Variants in PDLIM4 observed in about 807,000 individuals in gnomAD.
PDLIM4 encodes PDZ and LIM domain 4, also known as PDZ and LIM domain protein 4.
Under a neutral mutation model 31.3 loss-of-function variants are expected in PDLIM4, and 19 were observed. That is an observed-to-expected ratio of 0.61 (90% CI 0.42 to 0.89). PDLIM4 has a LOEUF of 0.89. Among genes scored for constraint, PDLIM4 ranks in the 40% least tolerant of loss-of-function variants. The probability of loss-of-function intolerance (pLI) is 0.00; values close to 1 mark genes in which losing one functional copy is unlikely to be tolerated. For missense variants in PDLIM4, 442 were observed against 461.1 expected, an observed-to-expected ratio of 0.96 and a Z score of 0.38; for synonymous variants, 176 against 190.1, an observed-to-expected ratio of 0.93 and a Z score of 0.61.
At chr5:132,266,247 G>T (rs963854385) in intron 2 of PDLIM4, among the ~76,000 whole-genome samples, 4 of 152,192 alleles carry the variant, frequency 2.6e-5, no homozygotes, top group African/African-American at 9.6e-5. Context: ...TTGGGCAGCC[G>T]ATGGGGACAG....
Position 132,272,719 on chromosome 5 carries a change from T to TGGTGGTGG in PDLIM4, c.*495_*502dup, listed in dbSNP as rs1756658979. ...GTCATCGGCACTAGCGGGTTGGGGG[T>TGGTGGTGG]GGTGGTGGGGTGCTGGCAGCCTCAG... On this transcript the variant is annotated 3_prime_UTR_variant, in exon 7 of 7. Transcript: ENST00000253754. The TGGTGGTGG allele has an allele frequency of 5.0e-6, 1 of 200,364 alleles. No individual in the cohort carries two copies. Among genetic ancestry groups the TGGTGGTGG allele is most frequent in the Admixed American group, 5.3e-5 (1 of 18,818 alleles). 12.4% of individuals were successfully genotyped at this position (200,364 alleles called of 1,614,324 possible).
chr5:132,270,577 T>G, intron 3 of PDLIM4: 1 of 354,698 alleles, frequency 2.8e-6, no homozygotes, highest in Non-Finnish European at 5.2e-6. Flanking sequence ...ACCTTAGGCT[T>G]CTTGGGATAG....
intron 3 of PDLIM4, among the ~76,000 whole-genome samples, chr5:132,269,994 C>T (rs1756570556): frequency 6.9e-6 from 1 of 145,984 alleles, no homozygotes; most frequent in Non-Finnish European, 1.5e-5. Flanking sequence ...GTGTGTGTGT[C>T]TTTAAAGCAT....
In PDLIM4 at chr5:132,257,858, G is replaced by A. The variant is rs751507063; in HGVS notation, c.93+31G>A. On this transcript the variant is annotated intron_variant, in intron 1 of 6. Coordinates refer to ENST00000253754, the MANE Select transcript of PDLIM4 (RefSeq NM_003687.4). This position sits in a 1 kb window ranked among gnomAD's most constrained non-coding sequence, Gnocchi z 4.3. ...TCTGGCGGCTGCGTGGCGGCAGGGC[G>A]GTCCCATGTCTGAGACCGGGTTCTC... 28 of 1,312,016 alleles carry A rather than the reference G, an allele frequency of 2.1e-5. 1 individual carries two copies. The South Asian group carries it at 3.9e-4, about 18-fold the overall frequency. 81.3% of individuals were successfully genotyped at this position (1,312,016 alleles called of 1,614,324 possible).
At position 132,271,362 on chromosome 5, in the gene PDLIM4, A is replaced by C. The variant is rs1464260050; in HGVS notation, c.566A>C (p.Glu189Ala). 26 of 1,605,452 alleles carry C rather than the reference A, an allele frequency of 1.6e-5. No individual in the cohort carries two copies. Among genetic ancestry groups the C allele is most frequent in the Admixed American group, 1.3e-4 (8 of 59,946 alleles). Residue 189 changes from glutamate (E) to alanine (A), a missense_variant, in exon 5 of 7, where the codon GAG becomes GCG. Physicochemically the swap from Glu to Ala is moderately radical, Grantham distance 107 (BLOSUM62 -1). Coordinates refer to ENST00000253754, the MANE Select transcript of PDLIM4 (RefSeq NM_003687.4). Reference sequence around the variant, plus strand: ...GACTGCAGAGTCGACCTGGGCTCCGAGGTGTACAGGATGCTGCGGGAGCCA... The same window carrying C: ...GACTGCAGAGTCGACCTGGGCTCCGCGGTGTACAGGATGCTGCGGGAGCCA... Reference protein sequence around the residue: ...SRDCRVDLGSEVYRMLREPAE... With the variant: ...SRDCRVDLGSAVYRMLREPAE...
At chr5:132,269,951 AT>A (rs765847736) in intron 3 of PDLIM4, among the ~76,000 whole-genome samples, 67 of 151,848 alleles carry the variant, frequency 4.4e-4, no homozygotes, top group Non-Finnish European at 6.9e-4. Flanking sequence ...ATGTAGGGAG[AT>A]TGGTAGGTGC....
At position 132,272,287 on chromosome 5, in the gene PDLIM4, T is replaced by A; in HGVS notation, c.*58T>A. The A allele has an allele frequency of 4.4e-6, 6 of 1,360,422 alleles. No homozygotes were observed. Among genetic ancestry groups the A allele is most frequent in the Non-Finnish European group, 6.3e-6 (6 of 959,926 alleles). 84.3% of individuals were successfully genotyped at this position (1,360,422 alleles called of 1,614,324 possible). A position where few individuals can be genotyped will look rare whatever the true frequency, so the allele number is the denominator to read the frequency against. The stretch of plus-strand genomic sequence containing the variant: ...GGTCCCTGCTCGGCCGGTGTAAATA[T>A]GTTTCACCCTGTCCCTCTAATAAAG... On this transcript the variant is annotated 3_prime_UTR_variant, in exon 7 of 7. Transcript: ENST00000253754.
Position 132,262,604 on chromosome 5 carries a change from C to T in PDLIM4, c.94-5C>T, listed in dbSNP as rs1032548152. ...TGCCCAGCCATCTGGCTTGTCTGCT[C>T]GCAGGTCCATGCTGGCAGCAAGGCT... On this transcript the variant is annotated splice_polypyrimidine_tract_variant and splice_region_variant and intron_variant, in intron 1 of 6. Transcript: ENST00000253754. The T allele has an allele frequency of 7.5e-6, 12 of 1,601,236 alleles. No homozygotes were observed. Among genetic ancestry groups the T allele is most frequent in the Admixed American group, 6.8e-5 (4 of 58,666 alleles).
rs116284207 is a variant in PDLIM4, at chr5:132,263,268, G to C, written c.245+508G>C. ...TGGGGTAGCAAAATTTGATTTTGGG[G>C]CTCTCTCCTAAGACTACAGACCCTT... On this transcript the variant is annotated intron_variant, in intron 2 of 6. Transcript: ENST00000253754. Among the ~76,000 whole-genome samples the C allele has an allele frequency of 4.4e-3, 671 of 152,232 alleles. 1 individual carries two copies. The highest frequency in any genetic ancestry group is 7.2e-3 in the Non-Finnish European group (493 of 68,012).
chr5:132,258,073 C>A (rs893160627), intron 1 of PDLIM4, among the ~76,000 whole-genome samples: 8 of 152,218 alleles, frequency 5.3e-5, no homozygotes, highest in Non-Finnish European at 8.8e-5. Context: ...CCCGCCTCCC[C>A]GCTGGCCTCA....
Position 132,257,806 on chromosome 5 carries a change from C to A in PDLIM4, c.72C>A (p.Ser24Arg). 6.7e-7 allele frequency: 1 copy of A among 1,503,550 alleles called. No individual in the cohort carries two copies. Among genetic ancestry groups the A allele is most frequent in the Non-Finnish European group, 8.8e-7 (1 of 1,130,008 alleles). The allele number at this position is 1,503,550 out of a possible 1,614,324, so 93.1% of individuals were successfully genotyped here. Reference sequence around the variant, plus strand: ...GCCTGGTGGGCGGCCGGGACTTCAGCGCGCCCCTCACCATCTCACGGGTGA... The same window carrying A: ...GCCTGGTGGGCGGCCGGGACTTCAGAGCGCCCCTCACCATCTCACGGGTGA... ...GFRLVGGRDFSAPLTISRVHA... is the reference protein window; with the variant it reads ...GFRLVGGRDFRAPLTISRVHA... The change falls in exon 1 of 7, where the codon AGC (serine) becomes AGA (arginine). Residue 24 changes from serine to arginine, a missense_variant. By Grantham distance (110) the Ser-to-Arg change is moderately radical (BLOSUM62 -1). Transcript: ENST00000253754. The surrounding 1 kb of genome is among the most constrained non-coding windows in gnomAD (Gnocchi z 4.3).
chr5:132,272,846 C>G lies in PDLIM4; in HGVS notation c.*617C>G, dbSNP rs1756661320. ...CCAGGTTTTTCTGGCATTTTCTGTT[C>G]CAGGTTTCTTCCACCCACGAGCACT... On this transcript the variant is annotated 3_prime_UTR_variant, in exon 7 of 7. Transcript: ENST00000253754. The G allele has an allele frequency of 1.3e-5, 2 of 154,350 alleles. No homozygotes were observed. The highest frequency in any genetic ancestry group is 2.9e-5 in the Non-Finnish European group (2 of 69,392). 9.6% of individuals were successfully genotyped at this position (154,350 alleles called of 1,614,324 possible). A position where few individuals can be genotyped will look rare whatever the true frequency, so the allele number is the denominator to read the frequency against.
chr5:132,264,911 C>A (rs1756457025), intron 2 of PDLIM4, among the ~76,000 whole-genome samples: 1 of 152,096 alleles, frequency 6.6e-6, no homozygotes, highest in South Asian at 2.1e-4. Flanking sequence ...CTAATCCCCC[C>A]ACCAACTCCC....
intron 1 of PDLIM4, among the ~76,000 whole-genome samples, chr5:132,262,292 C>G (rs1386860981): frequency 2.0e-5 from 3 of 152,166 alleles, no homozygotes; most frequent in Non-Finnish European, 4.4e-5. Flanking sequence ...CTCCATGTGT[C>G]TCTGTGTCCC....
chr5:132,268,562 T>A (rs1180436083), intron 3 of PDLIM4, among the ~76,000 whole-genome samples: 4 of 152,220 alleles, frequency 2.6e-5, no homozygotes, highest in Admixed American at 6.5e-5. Context: ...GCACTTGGCC[T>A]AGCCCAGGGT....
intron 3 of PDLIM4, among the ~76,000 whole-genome samples, chr5:132,268,134 T>C (rs564976857): frequency 4.6e-5 from 7 of 152,258 alleles, no homozygotes; most frequent in Admixed American, 6.5e-5. Context: ...TTGACTCCCT[T>C]GAAGACCAGG....
At chr5:132,259,331 C>T (rs1043138178) in intron 1 of PDLIM4, among the ~76,000 whole-genome samples, 1 of 152,108 alleles carries the variant, frequency 6.6e-6, no homozygotes, top group African/African-American at 2.4e-5. Flanking sequence ...ACATCTGTTG[C>T]CCACGCGGCT....
At chr5:132,262,550 C>T in intron 1 of PDLIM4, 59 bp from the exon 2 acceptor site, 3 of 1,473,686 alleles carry the variant, frequency 2.0e-6, no homozygotes, top group Non-Finnish European at 2.7e-6. Context: ...GCCTAGGGCA[C>T]AGCTTGCAGC....
At chr5:132,258,971 C>T (rs879169548) in intron 1 of PDLIM4, among the ~76,000 whole-genome samples, 8 of 152,106 alleles carry the variant, frequency 5.3e-5, no homozygotes, top group Non-Finnish European at 1.0e-4. Flanking sequence ...CCAGGTGGAG[C>T]GTGGAATCAT....
Sources: allele counts gnomAD v4.1 joint callset (sites outside exome capture counted in the v4.1 genomes callset), GRCh38; gene constraint gnomAD v4.1.1; non-coding constraint Gnocchi (gnomAD v3.1); transcripts MANE v1.5; gene names NCBI Gene and HGNC (gene_info 2026-07-23, HGNC 2026-07-21).